Variants in CSMD1 observed in about 807,000 individuals in gnomAD.
The protein encoded by CSMD1 is CUB and sushi domain-containing protein 1.
In CSMD1, 213 loss-of-function variants were observed where a neutral mutation model predicts 417.5. The observed-to-expected ratio is 0.51, with a 90% CI of 0.46 to 0.57. The LOEUF is 0.57. Among genes scored for constraint, CSMD1 ranks in the 20% least tolerant of loss-of-function variants. The pLI, the probability that CSMD1 is intolerant of heterozygous loss-of-function variation, is 0.00. For missense variants in CSMD1, 6,923 were observed against 4,529.7 expected, an observed-to-expected ratio of 1.53 and a Z score of -15.17; for synonymous variants, 2,862 against 1,736.8, an observed-to-expected ratio of 1.65 and a Z score of -16.11.
At chr8:3,260,613 G>C (rs1040627754) in intron 26 of CSMD1, among the ~76,000 whole-genome samples, 1 of 151,380 alleles carries the variant, frequency 6.6e-6, no homozygotes, top group Non-Finnish European at 1.5e-5. Context: ...GCTGAGGATG[G>C]CTCCAGTGCT....
intron 55 of CSMD1, among the ~76,000 whole-genome samples, chr8:2,977,600 G>T (rs530046822): frequency 6.6e-5 from 10 of 152,270 alleles, no homozygotes; most frequent in African/African-American, 2.4e-4. Flanking sequence ...AAACAAAAGA[G>T]CTTTAGCACT....
intron 2 of CSMD1, among the ~76,000 whole-genome samples, chr8:4,603,723 T>C (rs1449413179): frequency 1.3e-5 from 2 of 152,144 alleles, no homozygotes; most frequent in Non-Finnish European, 1.5e-5. Context: ...GCTTGTATGC[T>C]AATGAAAAAA....
At chr8:4,254,681 C>G (rs1473407639) in intron 3 of CSMD1, among the ~76,000 whole-genome samples, 7 of 152,126 alleles carry the variant, frequency 4.6e-5, no homozygotes, top group Non-Finnish European at 2.9e-5. Context: ...TCTTACGTTT[C>G]ACTCCATATT....
chr8:3,327,854 C>T (rs1806634812), intron 23 of CSMD1, among the ~76,000 whole-genome samples: 2 of 152,124 alleles, frequency 1.3e-5, no homozygotes, highest in African/African-American at 2.4e-5. Context: ...CCTGCATATG[C>T]CCTGTGTCCT....
At chr8:3,572,162 G>A (rs537706451) in intron 10 of CSMD1, among the ~76,000 whole-genome samples, 1 of 152,274 alleles carries the variant, frequency 6.6e-6, no homozygotes, top group South Asian at 2.1e-4. Context: ...ACCCATTACA[G>A]GGGCGCATTC....
At chr8:4,072,486 T>C (rs1436891990) in intron 3 of CSMD1, among the ~76,000 whole-genome samples, 1 of 152,186 alleles carries the variant, frequency 6.6e-6, no homozygotes, top group Non-Finnish European at 1.5e-5. Flanking sequence ...GTGAAGGGAA[T>C]TGTGACTATA....
intron 54 of CSMD1, 117 bp downstream of exon 54, chr8:2,997,894 G>C (rs1313606957): frequency 4.6e-5 from 44 of 963,882 alleles, no homozygotes; most frequent in Non-Finnish European, 6.3e-5. Context: ...AATGGTGAGA[G>C]TTTGCAGAAC....
chr8:4,362,199 A>G (rs1398835498), intron 3 of CSMD1, among the ~76,000 whole-genome samples: 2 of 152,150 alleles, frequency 1.3e-5, no homozygotes, highest in African/African-American at 4.8e-5. Flanking sequence ...TTACATCTGT[A>G]TTTTCCAAAG....
chr8:4,358,192 A>C (rs1283776281), intron 3 of CSMD1, among the ~76,000 whole-genome samples: 1 of 152,164 alleles, frequency 6.6e-6, no homozygotes, highest in Non-Finnish European at 1.5e-5. Flanking sequence ...TCAGGGATGA[A>C]TGTCTTCTGG....
chr8:4,058,847 A>T (rs1798828790), intron 3 of CSMD1, among the ~76,000 whole-genome samples: 1 of 151,770 alleles, frequency 6.6e-6, no homozygotes, highest in East Asian at 1.9e-4. Context: ...ATAATGGGAG[A>T]CTTTAACACA....
intron 52 of CSMD1, among the ~76,000 whole-genome samples, chr8:3,004,080 A>G (rs550064315): frequency 2.0e-5 from 3 of 152,198 alleles, no homozygotes; most frequent in African/African-American, 7.2e-5. Flanking sequence ...AACTCTATTC[A>G]CTGAATTTTT....
At chr8:3,605,941 A>G (rs1420772186) in intron 8 of CSMD1, among the ~76,000 whole-genome samples, 1 of 152,192 alleles carries the variant, frequency 6.6e-6, no homozygotes, top group Non-Finnish European at 1.5e-5. Flanking sequence ...TGTTAGCCTC[A>G]GTTTAATCCA....
intron 26 of CSMD1, among the ~76,000 whole-genome samples, chr8:3,230,524 A>G (rs372425884): frequency 2.0e-5 from 3 of 152,182 alleles, no homozygotes; most frequent in East Asian, 1.9e-4. Flanking sequence ...GAATAAATAC[A>G]TACATACACA....
At chr8:4,597,551 C>G (rs554007690) in intron 2 of CSMD1, among the ~76,000 whole-genome samples, 1 of 152,124 alleles carries the variant, frequency 6.6e-6, no homozygotes, top group South Asian at 2.1e-4. Context: ...TGAAATAAAA[C>G]TTATTTCCCA....
At chr8:4,771,590 A>C (rs1004159292) in intron 1 of CSMD1, among the ~76,000 whole-genome samples, 1 of 152,208 alleles carries the variant, frequency 6.6e-6, no homozygotes, top group Non-Finnish European at 1.5e-5. Context: ...GGATGTTGAA[A>C]TATTGAGTAA....
intron 1 of CSMD1, among the ~76,000 whole-genome samples, chr8:4,848,900 A>G (rs1801304628): frequency 6.6e-6 from 1 of 152,202 alleles, no homozygotes; most frequent in African/African-American, 2.4e-5. Flanking sequence ...TAGTTTTACT[A>G]TATTGTACTT....
At chr8:2,955,859 A>G (rs1322699641) in intron 63 of CSMD1, 91 bp from the exon 64 acceptor site, 2 of 1,115,414 alleles carry the variant, frequency 1.8e-6, no homozygotes, top group Non-Finnish European at 2.6e-6. Context: ...TAGTTTGGAA[A>G]TGGTTATGCA....
intron 11 of CSMD1, among the ~76,000 whole-genome samples, chr8:3,469,602 A>T (rs1304715822): frequency 6.6e-6 from 1 of 152,200 alleles, no homozygotes; most frequent in Non-Finnish European, 1.5e-5. Flanking sequence ...GAAAAAGTGT[A>T]AGAAGAAAAT....
At chr8:4,948,082 ATTTTT>A (rs140330568) in intron 1 of CSMD1, among the ~76,000 whole-genome samples, 2 of 151,234 alleles carry the variant, frequency 1.3e-5, no homozygotes, top group Non-Finnish European at 3.0e-5. Flanking sequence ...AAGAACATTA[ATTTTT>A]TTTTAAGTGC....
Sources: gnomAD v4.1 joint callset for allele counts (sites outside exome capture counted in the v4.1 genomes callset) on GRCh38, gnomAD v4.1.1 for gene constraint, MANE v1.5 for transcripts, NCBI Gene and HGNC (gene_info 2026-07-23, HGNC 2026-07-21) for gene names.